ALOX12: variants seen among roughly 807,000 people sequenced by gnomAD.
ALOX12 encodes the protein polyunsaturated fatty acid lipoxygenase ALOX12.
In ALOX12, 62 loss-of-function variants were observed where a neutral mutation model predicts 85.5. That is an observed-to-expected ratio of 0.73 (90% CI 0.59 to 0.90). ALOX12 has a LOEUF of 0.90. Among genes scored for constraint, ALOX12 ranks in the 40% least tolerant of loss-of-function variants. ALOX12 has a pLI of 0.00. For synonymous variants in ALOX12, 299 were observed against 332.7 expected, an observed-to-expected ratio of 0.90 and a Z score of 1.10; for missense variants, 751 against 856.5, an observed-to-expected ratio of 0.88 and a Z score of 1.54.
intron 8 of ALOX12, among the ~76,000 whole-genome samples, chr17:7,003,132 T>A (rs1718469155): frequency 6.6e-6 from 1 of 152,220 alleles, no homozygotes; most frequent in South Asian, 2.1e-4. Context: ...GAAGCCTCTA[T>A]TCACACTTAC....
At chr17:6,997,060 G>A in intron 2 of ALOX12, 33 bp downstream of exon 2, 2 of 1,513,318 alleles carry the variant, frequency 1.3e-6, no homozygotes, top group Non-Finnish European at 1.8e-6. Flanking sequence ...GGAGGCACAA[G>A]GTCTCGGGAA....
intron 8 of ALOX12, among the ~76,000 whole-genome samples, chr17:7,003,906 T>C (rs923209640): frequency 6.6e-6 from 1 of 152,056 alleles, no homozygotes; most frequent in African/African-American, 2.4e-5. Flanking sequence ...ATTGCCAGTG[T>C]CCAGCATCAA....
intron 2 of ALOX12, among the ~76,000 whole-genome samples, chr17:6,997,356 A>G (rs1305247641): frequency 6.6e-6 from 1 of 151,968 alleles, no homozygotes; most frequent in African/African-American, 2.4e-5. Context: ...AAGGAGATGT[A>G]AAGGTGACTC....
rs1909311454 is a variant in ALOX12, at chr17:7,010,128, TGA to T, written c.1812+6_1812+7del. 3 of 1,610,104 alleles carry T rather than the reference TGA, an allele frequency of 1.9e-6. No individual in the cohort carries two copies. In the East Asian group the frequency reaches 6.7e-5, roughly 36 times the overall value. The stretch of plus-strand genomic sequence containing the variant: ...CTGAGTCGCCGCCAGCCAGACATGG[TGA>T]GAGGGGACTCTCGGGAGAGGGAAAT... On this transcript the variant is annotated splice_donor_region_variant and intron_variant, in intron 13 of 13. Coordinates refer to ENST00000251535, the MANE Select transcript of ALOX12 (RefSeq NM_000697.3).
At position 7,000,574 on chromosome 17, in the gene ALOX12, C is replaced by G; in HGVS notation, c.951+95C>G. 7.0e-7 allele frequency: 1 copy of G among 1,428,076 alleles called. No individual in the cohort carries two copies. Among genetic ancestry groups the G allele is most frequent in the Non-Finnish European group, 9.6e-7 (1 of 1,038,106 alleles). 88.5% of individuals were successfully genotyped at this position (1,428,076 alleles called of 1,614,324 possible). On this transcript the variant is annotated intron_variant, in intron 7 of 13. Coordinates refer to ENST00000251535, the MANE Select transcript of ALOX12 (RefSeq NM_000697.3). This position sits in a 1 kb window ranked among gnomAD's most constrained non-coding sequence, Gnocchi z 4.6. ...CCCCCAGCTCTTGGCTCCCAAACCC[C>G]ATCCTCACTCAGTGAGACTTGTCTT...
rs190847195 is a variant in ALOX12 at position 7,001,565 on chromosome 17, T to C, written c.952-37T>C. 2,245 of 1,548,338 alleles carry C rather than the reference T, an allele frequency of 1.4e-3. 6 individuals carry two copies. Among genetic ancestry groups the C allele is most frequent in the Non-Finnish European group, 1.9e-3 (2,092 of 1,120,996 alleles). On this transcript the variant is annotated intron_variant, in intron 7 of 13. Coordinates refer to ENST00000251535, the MANE Select transcript of ALOX12 (RefSeq NM_000697.3). ...CAAGAATGCTGACTATAATGTCATA[T>C]ACGGAATGGGAGTTCAATAATTTCT...
In ALOX12 at chr17:7,001,841, C is replaced by G. The variant is rs542481780; in HGVS notation, c.1161+30C>G. On this transcript the variant is annotated intron_variant, in intron 8 of 13. Coordinates refer to ENST00000251535, the MANE Select transcript of ALOX12 (RefSeq NM_000697.3). ...TTATTAATCTATTAAATCACATATC[C>G]CTCAGACCCCAGAGAGAGGAACAGC... 59 of 1,585,462 alleles carry G rather than the reference C, an allele frequency of 3.7e-5. No homozygotes were observed. In the East Asian group the frequency reaches 1.2e-3, roughly 31 times the overall value.
chr17:7,000,539 AGGGACCC>A lies in ALOX12; in HGVS notation c.951+61_951+67del. 6.3e-7 allele frequency: 1 copy of A among 1,584,780 alleles called. No homozygotes were observed. Among genetic ancestry groups the A allele is most frequent in the Non-Finnish European group, 8.6e-7 (1 of 1,161,834 alleles). On this transcript the variant is annotated intron_variant, in intron 7 of 13. Coordinates refer to ENST00000251535, the MANE Select transcript of ALOX12 (RefSeq NM_000697.3). This position sits in a 1 kb window ranked among gnomAD's most constrained non-coding sequence, Gnocchi z 4.6. ...TCTGTTCACCTCAACCTCTGCTCCC[AGGGACCC>A]AACCCCCAGCTCTTGGCTCCCAAAC...
chr17:7,004,626 G>A (rs1014527255), intron 8 of ALOX12, among the ~76,000 whole-genome samples: 9 of 152,118 alleles, frequency 5.9e-5, no homozygotes, highest in East Asian at 1.9e-4. Flanking sequence ...CAGTGCTTAA[G>A]TAGGGGTGGA....
chr17:7,000,418 C>T lies in ALOX12; in HGVS notation c.890C>T (p.Ala297Val), dbSNP rs894527325. The T allele has an allele frequency of 6.2e-7, 1 of 1,614,156 alleles. No homozygotes were observed. The highest frequency in any genetic ancestry group is 8.5e-7 in the Non-Finnish European group (1 of 1,180,024). Residue 297 changes from alanine (A) to valine (V), a missense_variant, in exon 7 of 14, where the codon GCT (alanine) becomes GTT (valine). Transcript: ENST00000251535. The surrounding 1 kb of genome is among the most constrained non-coding windows in gnomAD (Gnocchi z 4.6). ...ATCCGAGGAGAGAAGCAATACCTGG[C>T]TGCCCCCCTCGTTATGCTGAAGATG... The part of the protein sequence containing the change: ...NVIRGEKQYL[A>V]APLVMLKMEP...
chr17:6,999,473 C>A lies in ALOX12; in HGVS notation c.807+7C>A. The A allele has an allele frequency of 6.2e-7, 1 of 1,613,710 alleles. No homozygotes were observed. The highest frequency in any genetic ancestry group is 8.5e-7 in the Non-Finnish European group (1 of 1,179,646). On this transcript the variant is annotated splice_region_variant and intron_variant, in intron 6 of 13. Coordinates refer to ENST00000251535, the MANE Select transcript of ALOX12 (RefSeq NM_000697.3). ...ACTGGAGAAAGAACTTCAGGTACCT[C>A]TCCTTCCCCTGCCTGGCACTGTTCT...
intron 8 of ALOX12, among the ~76,000 whole-genome samples, chr17:7,003,797 C>T (rs776898624): frequency 6.6e-6 from 1 of 152,092 alleles, no homozygotes; most frequent in Non-Finnish European, 1.5e-5. Flanking sequence ...TGGACTTTGG[C>T]CTTTCCGTGA....
rs1401542761 is a variant in ALOX12 at position 7,000,485 on chromosome 17, G to A, written c.951+6G>A. 6.2e-7 allele frequency: 1 copy of A among 1,613,328 alleles called. No individual in the cohort carries two copies. Among genetic ancestry groups the A allele is most frequent in the Non-Finnish European group, 8.5e-7 (1 of 1,179,946 alleles). On this transcript the variant is annotated splice_donor_region_variant and intron_variant, in intron 7 of 13. Coordinates refer to ENST00000251535, the MANE Select transcript of ALOX12 (RefSeq NM_000697.3). This position sits in a 1 kb window ranked among gnomAD's most constrained non-coding sequence, Gnocchi z 4.6. ...TGCAGCCCATGGTCATCCAGGTAAG[G>A]GCCCCAGACCTCTCCCACAACGTTG...
In ALOX12 at chr17:6,998,751, C is replaced by T. The variant is rs756015263; in HGVS notation, c.456C>T (p.Ile152=). The T allele has an allele frequency of 7.4e-6, 12 of 1,613,930 alleles. No individual in the cohort carries two copies. Among genetic ancestry groups the T allele is most frequent in the Middle Eastern group, 1.6e-4 (1 of 6,084 alleles). ...ATWKEGLPLT[I]AADRKDDLPP... ...GGAAGGAAGGGTTACCCCTGACCAT[C>T]GCTGCAGACCGTAAGGATGATCTAC... The change falls in exon 4 of 14, where the codon ATC becomes ATT. Residue 152 remains isoleucine, a synonymous_variant. Coordinates refer to ENST00000251535, the MANE Select transcript of ALOX12 (RefSeq NM_000697.3).
In ALOX12 at chr17:7,000,665, G is replaced by A. The variant is rs1481809689; in HGVS notation, c.951+186G>A. Among the ~76,000 whole-genome samples, 1 of 152,182 alleles carries A rather than the reference G, an allele frequency of 6.6e-6. No individual in the cohort carries two copies. Among genetic ancestry groups the A allele is most frequent in the Non-Finnish European group, 1.5e-5 (1 of 68,030 alleles). On this transcript the variant is annotated intron_variant, in intron 7 of 13. Coordinates refer to ENST00000251535, the MANE Select transcript of ALOX12 (RefSeq NM_000697.3). The surrounding 1 kb of genome is among the most constrained non-coding windows in gnomAD (Gnocchi z 4.6). Reference sequence around the variant, plus strand: ...TCCAACTAGAATTACTTTTTCAAGAGTCAAAATGGCCTCCTGGAGTTCTCA... The same window carrying A: ...TCCAACTAGAATTACTTTTTCAAGAATCAAAATGGCCTCCTGGAGTTCTCA...
At chr17:7,008,814 AC>A (rs1364893010) in intron 11 of ALOX12, among the ~76,000 whole-genome samples, 1 of 152,096 alleles carries the variant, frequency 6.6e-6, no homozygotes, top group Non-Finnish European at 1.5e-5. Flanking sequence ...GACTGAGATA[AC>A]CTTTGTGGGA....
At position 7,010,449 on chromosome 17, in the gene ALOX12, A is replaced by G; in HGVS notation, c.*26A>G. 1 of 1,601,272 alleles carries G rather than the reference A, an allele frequency of 6.2e-7. No homozygotes were observed. The highest frequency in any genetic ancestry group is 8.5e-7 in the Non-Finnish European group (1 of 1,173,324). ...GCCCTAGAGTGACTCTACCTGCAAG[A>G]TTTCACATCAGCTTTAGGACTGACA... On this transcript the variant is annotated 3_prime_UTR_variant, in exon 14 of 14. Coordinates refer to ENST00000251535, the MANE Select transcript of ALOX12 (RefSeq NM_000697.3).
intron 7 of ALOX12, 129 bp from the exon 8 acceptor site, chr17:7,001,473 C>G: frequency 1.0e-6 from 1 of 1,004,026 alleles, no homozygotes; most frequent in Non-Finnish European, 1.5e-6. Flanking sequence ...TGGGAGGGTT[C>G]ACAGTCCTCC....
At chr17:7,005,457 C>G (rs1331730807) in intron 9 of ALOX12, 114 bp downstream of exon 9, 2 of 776,404 alleles carry the variant, frequency 2.6e-6, no homozygotes, top group Non-Finnish European at 4.2e-6. Flanking sequence ...ATGAACCTGT[C>G]CCTTTTATAC....
Sources: gnomAD v4.1 joint callset for allele counts (sites outside exome capture counted in the v4.1 genomes callset) on GRCh38, gnomAD v4.1.1 for gene constraint, Gnocchi (gnomAD v3.1) non-coding constraint, MANE v1.5 for transcripts, NCBI Gene and HGNC (gene_info 2026-07-23, HGNC 2026-07-21) for gene names.